Variants in TRPM3 observed in about 807,000 individuals in gnomAD.
TRPM3 encodes long transient receptor potential channel 3.
A neutral mutation model predicts 181.2 loss-of-function variants in TRPM3; 77 were observed. The ratio of observed to expected loss-of-function variants is 0.42; its 90% CI spans 0.35 to 0.51. TRPM3 has a LOEUF of 0.51. Among genes scored for constraint, TRPM3 ranks in the 20% least tolerant of loss-of-function variants. The pLI, the probability that TRPM3 is intolerant of heterozygous loss-of-function variation, is 0.01. For missense variants in TRPM3, 1,759 were observed against 2,196.7 expected (o/e 0.80, Z 3.98); for synonymous variants, 745 against 796.4 (o/e 0.94, Z 1.09).
chr9:71,397,904 TATA>T (rs1461033958), intron 1 of TRPM3, among the ~76,000 whole-genome samples: 15 of 152,148 alleles, frequency 9.9e-5, no homozygotes, highest in African/African-American at 3.4e-4. Flanking sequence ...GACTGACAAA[TATA>T]ATGGACTTTT....
intron 1 of TRPM3, among the ~76,000 whole-genome samples, chr9:71,420,157 A>G (rs1014520149): frequency 4.6e-5 from 7 of 151,744 alleles, no homozygotes; most frequent in African/African-American, 1.7e-4. Flanking sequence ...TAAGGGGAGG[A>G]GAATGGGGAT....
At chr9:71,435,690 G>C (rs2094022052) in intron 1 of TRPM3, among the ~76,000 whole-genome samples, 1 of 152,174 alleles carries the variant, frequency 6.6e-6, no homozygotes, top group Non-Finnish European at 1.5e-5. Flanking sequence ...CAATGCCTAT[G>C]GAAGGCAGAA....
At position 70,625,393 on chromosome 9, in the gene TRPM3, C is replaced by A; in HGVS notation, c.1669-62G>T. On this transcript the variant is annotated intron_variant, in intron 13 of 25. Coordinates refer to ENST00000677713, the MANE Select transcript of TRPM3 (RefSeq NM_001366145.2). The surrounding 1 kb of genome is among the most constrained non-coding windows in gnomAD (Gnocchi z 4.8). Reference sequence around the variant, plus strand: ...AAGACAACGTGGTTTACTAGGGATTCTACTTCACGTATTCTGTAACTAGAG... The same window carrying A: ...AAGACAACGTGGTTTACTAGGGATTATACTTCACGTATTCTGTAACTAGAG... 2 of 1,607,126 alleles carry A rather than the reference C, an allele frequency of 1.2e-6. No individual in the cohort carries two copies. Among genetic ancestry groups the A allele is most frequent in the Non-Finnish European group, 8.5e-7 (1 of 1,176,432 alleles).
rs139046902 is a variant in TRPM3 at position 70,665,564 on chromosome 9, C to T, written c.1345+15942G>A. 2.4e-4 allele frequency among the ~76,000 whole-genome samples: 36 copies of T among 152,270 alleles called. 1 individual carries two copies. Among genetic ancestry groups the T allele is most frequent in the African/African-American group, 7.9e-4 (33 of 41,564 alleles). On this transcript the variant is annotated intron_variant, in intron 9 of 25. Coordinates refer to ENST00000677713, the MANE Select transcript of TRPM3 (RefSeq NM_001366145.2). ...TCTGCCATAAAGTCAGTCAGTACTT[C>T]GCAGGTGTCCCATGAACGTGTTAAC... is the stretch of plus-strand genomic sequence containing the variant.
chr9:70,607,035 C>T (rs1225889230), intron 19 of TRPM3, among the ~76,000 whole-genome samples: 1 of 152,090 alleles, frequency 6.6e-6, no homozygotes, highest in Non-Finnish European at 1.5e-5. Context: ...CCACTTCACA[C>T]CTTGAATTTG....
At chr9:71,061,023 C>T (rs2133344951) in intron 1 of TRPM3, among the ~76,000 whole-genome samples, 1 of 152,102 alleles carries the variant, frequency 6.6e-6, no homozygotes, top group East Asian at 1.9e-4. Context: ...GTCTTTATCC[C>T]TCTAAAAAGA....
intron 19 of TRPM3, among the ~76,000 whole-genome samples, chr9:70,606,806 T>C (rs1003883727): frequency 6.6e-5 from 10 of 152,088 alleles, no homozygotes; most frequent in South Asian, 4.1e-4. Flanking sequence ...GCATTTTCCA[T>C]TAACTAAGAT....
chr9:71,129,255 T>A (rs1392006892), intron 1 of TRPM3, among the ~76,000 whole-genome samples: 1 of 152,170 alleles, frequency 6.6e-6, no homozygotes, highest in East Asian at 1.9e-4. Context: ...TGAGAGACAA[T>A]GGTCCAGTTT....
chr9:70,782,792 A>T (rs990028613), intron 7 of TRPM3, among the ~76,000 whole-genome samples: 11 of 151,844 alleles, frequency 7.2e-5, no homozygotes, highest in Non-Finnish European at 2.9e-5. Context: ...TATTATTATT[A>T]TTTTTTGGTT....
At chr9:70,878,111 T>G (rs552757390) in intron 1 of TRPM3, among the ~76,000 whole-genome samples, 6 of 152,090 alleles carry the variant, frequency 3.9e-5, no homozygotes, top group Non-Finnish European at 8.8e-5. Flanking sequence ...CTTATCCCAC[T>G]GTTGATTCCA....
At chr9:71,111,858 T>A (rs536592667) in intron 1 of TRPM3, among the ~76,000 whole-genome samples, 3 of 152,346 alleles carry the variant, frequency 2.0e-5, no homozygotes, top group African/African-American at 7.2e-5. Flanking sequence ...ATTATTGATC[T>A]TAACCAACAA....
At chr9:70,888,691 T>A (rs1188469112) in intron 1 of TRPM3, among the ~76,000 whole-genome samples, 1 of 152,130 alleles carries the variant, frequency 6.6e-6, no homozygotes, top group Non-Finnish European at 1.5e-5. Flanking sequence ...CCTGTCTACT[T>A]TGGCTCAGCA....
chr9:71,029,776 T>G (rs1319122235), intron 1 of TRPM3, among the ~76,000 whole-genome samples: 1 of 152,172 alleles, frequency 6.6e-6, no homozygotes, highest in Non-Finnish European at 1.5e-5. Flanking sequence ...TATAGATATG[T>G]GCTCAAATGC....
At chr9:70,775,786 GA>G (rs1019022606) in intron 7 of TRPM3, 13 of 141,242 alleles carry the variant, frequency 9.2e-5, no homozygotes, top group Non-Finnish European at 1.3e-4. Flanking sequence ...GCAATTGTGA[GA>G]TTTTTTTTTT....
intron 7 of TRPM3, among the ~76,000 whole-genome samples, chr9:70,768,972 A>G (rs1377923049): frequency 6.6e-6 from 1 of 152,168 alleles, no homozygotes; most frequent in African/African-American, 2.4e-5. Context: ...AGTTTTCCTC[A>G]TTCTCTATCT....
At chr9:71,367,358 A>G (rs891636) in intron 1 of TRPM3, among the ~76,000 whole-genome samples, 150,363 of 152,304 alleles carry the variant, frequency 0.99, 74,258 homozygotes, top group East Asian at 1. Context: ...TAGGTCTAAG[A>G]CTATTAATCT....
chr9:70,643,044 C>T (rs2133622430), intron 9 of TRPM3, among the ~76,000 whole-genome samples: 1 of 152,272 alleles, frequency 6.6e-6, no homozygotes, highest in Admixed American at 6.5e-5. Flanking sequence ...CGACCACATA[C>T]TTGGAGTAAA....
At chr9:71,401,263 C>T (rs1369484703) in intron 1 of TRPM3, among the ~76,000 whole-genome samples, 2 of 150,100 alleles carry the variant, frequency 1.3e-5, no homozygotes, top group African/African-American at 4.9e-5. Flanking sequence ...GAACTTAGAG[C>T]TCTTTTAACT....
chr9:71,056,814 C>T (rs2060719151), intron 1 of TRPM3, among the ~76,000 whole-genome samples: 1 of 151,914 alleles, frequency 6.6e-6, no homozygotes, highest in South Asian at 2.1e-4. Context: ...AAATAAATTT[C>T]TGTTGTTTAG....
Sources: allele counts gnomAD v4.1 joint callset (sites outside exome capture counted in the v4.1 genomes callset), GRCh38; gene constraint gnomAD v4.1.1; non-coding constraint Gnocchi (gnomAD v3.1); transcripts MANE v1.5; gene names NCBI Gene and HGNC (gene_info 2026-07-23, HGNC 2026-07-21).